SFPQ: variants seen among roughly 807,000 people sequenced by gnomAD.
The protein encoded by SFPQ is splicing factor proline and glutamine rich, also known as splicing factor, proline- and glutamine-rich.
SFPQ carries 11 observed loss-of-function variants against 72.9 expected under a neutral mutation model. The observed-to-expected ratio is 0.15, with a 90% CI of 0.09 to 0.25. SFPQ has a LOEUF of 0.25. Among genes scored for constraint, SFPQ ranks in the 10% least tolerant of loss-of-function variants. The pLI is 1.00. For missense variants in SFPQ, 847 were observed against 993.3 expected (o/e 0.85, Z 1.98); for synonymous variants, 506 against 367.3 (o/e 1.38, Z -4.32).
downstream of SFPQ, chr1:35,180,314 T>C (rs1341167082): frequency 1.8e-5 from 19 of 1,047,142 alleles, no homozygotes; most frequent in Non-Finnish European, 2.2e-5. Context: ...AGTTGTGCTT[T>C]TGAAGACTTA....
chr1:35,182,261 C>G (rs1639499875), downstream of SFPQ: 5 of 985,250 alleles, frequency 5.1e-6, no homozygotes, highest in Non-Finnish European at 6.0e-6. Context: ...CTATATAATT[C>G]AACCAAACTG....
intron 4 of SFPQ, among the ~76,000 whole-genome samples, chr1:35,190,070 A>T (rs1172487698): frequency 6.6e-6 from 1 of 152,150 alleles, no homozygotes; most frequent in East Asian, 1.9e-4. Flanking sequence ...AGATCAGCCT[A>T]GTCAACATGG....
downstream of SFPQ, chr1:35,178,223 ATAAGTAGACACC>A: frequency 9.1e-7 from 1 of 1,102,766 alleles, no homozygotes; most frequent in Non-Finnish European, 1.1e-6. Flanking sequence ...CTTACATAAA[ATAAGTAGACACC>A]TGAATTAGAA....
chr1:35,185,425 G>C (rs777159292), intron 9 of SFPQ, among the ~76,000 whole-genome samples: 2 of 152,104 alleles, frequency 1.3e-5, no homozygotes, highest in East Asian at 3.8e-4. Context: ...GACACTTCCC[G>C]AACAGTGAAA....
chr1:35,183,387 T>G lies in SFPQ; in HGVS notation c.*1069A>C, dbSNP rs2148610813. ...CGCCTGCCACCACGCCCAGCTAATT[T>G]TTTGTATTTTTAGTAGAGACGGGGT... On this transcript the variant is annotated 3_prime_UTR_variant, in exon 10 of 10. Transcript: ENST00000357214. 1 of 293,368 alleles carries G rather than the reference T, an allele frequency of 3.4e-6. No homozygotes were observed. The highest frequency in any genetic ancestry group is 5.2e-6 in the Non-Finnish European group (1 of 191,806). The allele number at this position is 293,368 out of a possible 1,614,324, so 18.2% of individuals were successfully genotyped here.
Position 35,192,624 on chromosome 1 carries a change from C to G in SFPQ, c.426G>C (p.Pro142=), listed in dbSNP as rs1438142137. ...GAGTCGGGCCTGGCCCGGACCCTGGCGGGGCCCCCGAGGTTGGTGGAGTGG... is the reference window on the plus strand; with the variant it reads ...GAGTCGGGCCTGGCCCGGACCCTGGGGGGGCCCCCGAGGTTGGTGGAGTGG... The part of the protein sequence containing the change: ...PPATPPTSGA[P]PGSGPGPTPT... The change falls in exon 1 of 10, where the codon CCG becomes CCC. Residue 142 remains proline, a synonymous_variant. Coordinates refer to ENST00000357214, the MANE Select transcript of SFPQ (RefSeq NM_005066.3). The G allele has an allele frequency of 7.3e-7, 1 of 1,369,976 alleles. No homozygotes were observed. The highest frequency in any genetic ancestry group is 3.1e-5 in the East Asian group (1 of 32,508). The allele number at this position is 1,369,976 out of a possible 1,614,324, so 84.9% of individuals were successfully genotyped here. A position where few individuals can be genotyped will look rare whatever the true frequency, so the allele number is the denominator to read the frequency against.
chr1:35,183,059 A>G lies in SFPQ; in HGVS notation c.*1397T>C, dbSNP rs916748273. On this transcript the variant is annotated 3_prime_UTR_variant, in exon 10 of 10. Transcript: ENST00000357214. ...GAAAACAAGTTAAATTTACAATAAG[A>G]ATGATTATCTGCAACCCTATTTGTT... is the stretch of plus-strand genomic sequence containing the variant. 9 of 1,032,886 alleles carry G rather than the reference A, an allele frequency of 8.7e-6. No homozygotes were observed. The highest frequency in any genetic ancestry group is 9.2e-5 in the South Asian group (2 of 21,692). 64.0% of individuals were successfully genotyped at this position (1,032,886 alleles called of 1,614,324 possible).
In SFPQ at chr1:35,190,585, C is replaced by T. The variant is rs757065018; in HGVS notation, c.1328G>A (p.Arg443His). 2 of 1,613,038 alleles carry T rather than the reference C, an allele frequency of 1.2e-6. No individual in the cohort carries two copies. Among genetic ancestry groups the T allele is most frequent in the South Asian group, 1.1e-5 (1 of 90,710 alleles). ...EGVFLLTTTP[R>H]PVIVEPLEQL... is the part of the protein sequence containing the mutation. Reference sequence around the variant, plus strand: ...TTCAAGTGGTTCCACAATGACTGGACGAGGAGTTCTAATAACAAAAATGGT... The same window carrying T: ...TTCAAGTGGTTCCACAATGACTGGATGAGGAGTTCTAATAACAAAAATGGT... The change falls in exon 4 of 10, where the codon CGT becomes CAT. Residue 443 changes from arginine to histidine, a missense_variant. Physicochemically the swap from Arg to His is conservative, Grantham distance 29. This residue lies in a region of SFPQ where 132 missense variants were observed against 255.4 expected (regional missense o/e 0.52). Coordinates refer to ENST00000357214, the MANE Select transcript of SFPQ (RefSeq NM_005066.3).
At position 35,188,460 on chromosome 1, in the gene SFPQ, G is replaced by A. The variant is rs1027888060; in HGVS notation, c.1698-370C>T. On this transcript the variant is annotated intron_variant, in intron 6 of 9. Coordinates refer to ENST00000357214, the MANE Select transcript of SFPQ (RefSeq NM_005066.3). The stretch of plus-strand genomic sequence containing the variant: ...TGCCTGTAATCTCAGTACTTTAGGA[G>A]GCCAGGAGTTTGACACCAGCCTAGG... 4.6e-5 allele frequency among the ~76,000 whole-genome samples: 7 copies of A among 152,164 alleles called. No homozygotes were observed. The East Asian group carries it at 5.8e-4, about 13-fold the overall frequency.
At chr1:35,182,854 C>T (rs1043424262), downstream of SFPQ, 84 of 1,047,164 alleles carry the variant, frequency 8.0e-5, no homozygotes, top group Admixed American at 6.1e-4. Context: ...CAACAATAAA[C>T]AATCTACTTT....
chr1:35,192,410 C>A lies in SFPQ; in HGVS notation c.640G>T (p.Gly214Cys). Residue 214 changes from glycine (G) to cysteine (C), a missense_variant, in exon 1 of 10, where the codon GGC (glycine) becomes TGC (cysteine). Coordinates refer to ENST00000357214, the MANE Select transcript of SFPQ (RefSeq NM_005066.3). ...PGGPKGGKMP[G>C]GPKPGGGPGL... ...GGGCCGCCACCTGGCTTCGGCCCGC[C>A]AGGCATTTTGCCGCCTTTGGGACCA... is the stretch of plus-strand genomic sequence containing the variant. 7.0e-7 allele frequency: 1 copy of A among 1,425,924 alleles called. No homozygotes were observed. The highest frequency in any genetic ancestry group is 9.1e-7 in the Non-Finnish European group (1 of 1,097,660). 88.3% of individuals were successfully genotyped at this position (1,425,924 alleles called of 1,614,324 possible).
rs952004668 is a variant in SFPQ, at chr1:35,192,199, G to A, written c.828+23C>T. The A allele has an allele frequency of 2.5e-5, 34 of 1,382,280 alleles. No individual in the cohort carries two copies. The African/African-American group carries it at 4.2e-4, about 17-fold the overall frequency. 85.6% of individuals were successfully genotyped at this position (1,382,280 alleles called of 1,614,324 possible). A position where few individuals can be genotyped will look rare whatever the true frequency, so the allele number is the denominator to read the frequency against. On this transcript the variant is annotated intron_variant, in intron 1 of 9. Coordinates refer to ENST00000357214, the MANE Select transcript of SFPQ (RefSeq NM_005066.3). ...CCGCCGCCATCTTAGGGGAGCCGAC[G>A]CGTCGCTCCCATAGACACTCACCTC...
In SFPQ at chr1:35,184,024, TATGCCATTCAAAGGCCTAGACACTCTC is replaced by T. The variant is rs1182314832; in HGVS notation, c.*405_*431del. The T allele has an allele frequency of 9.4e-7, 1 of 1,059,452 alleles. No individual in the cohort carries two copies. Among genetic ancestry groups the T allele is most frequent in the Non-Finnish European group, 1.1e-6 (1 of 875,794 alleles). 65.6% of individuals were successfully genotyped at this position (1,059,452 alleles called of 1,614,324 possible). A position where few individuals can be genotyped will look rare whatever the true frequency, so the allele number is the denominator to read the frequency against. Reference sequence around the variant, plus strand: ...CCAGATGCATTTCCCAGAAATGGCATATGCCATTCAAAGGCCTAGACACTCTCATGCTTTCAATGTGGAATACGTAGC... The same window carrying T: ...CCAGATGCATTTCCCAGAAATGGCATATGCTTTCAATGTGGAATACGTAGC... On this transcript the variant is annotated 3_prime_UTR_variant, in exon 10 of 10. Transcript: ENST00000357214.
Position 35,184,220 on chromosome 1 carries a change from G to A in SFPQ, c.*236C>T, listed in dbSNP as rs748011205. ...AAGGTACACTGCCATAAACTTGAGGGACATTATACAGTAAAAAAGAAAAAA... is the reference window on the plus strand; with the variant it reads ...AAGGTACACTGCCATAAACTTGAGGAACATTATACAGTAAAAAAGAAAAAA... On this transcript the variant is annotated 3_prime_UTR_variant, in exon 10 of 10. Coordinates refer to ENST00000357214, the MANE Select transcript of SFPQ (RefSeq NM_005066.3). 49 of 1,261,046 alleles carry A rather than the reference G, an allele frequency of 3.9e-5. No homozygotes were observed. Among genetic ancestry groups the A allele is most frequent in the African/African-American group, 1.1e-4 (7 of 63,168 alleles). The allele number at this position is 1,261,046 out of a possible 1,614,324, so 78.1% of individuals were successfully genotyped here.
At position 35,187,340 on chromosome 1, in the gene SFPQ, A is replaced by G. The variant is rs6702141; in HGVS notation, c.1816-89T>C. 21,576 of 1,184,762 alleles carry G rather than the reference A, an allele frequency of 0.018. 1,839 individuals are homozygous for G. The African/African-American group carries it at 0.23, about 13-fold the overall frequency. The allele number at this position is 1,184,762 out of a possible 1,614,324, so 73.4% of individuals were successfully genotyped here. A position where few individuals can be genotyped will look rare whatever the true frequency, so the allele number is the denominator to read the frequency against. On this transcript the variant is annotated intron_variant, in intron 7 of 9. Coordinates refer to ENST00000357214, the MANE Select transcript of SFPQ (RefSeq NM_005066.3). The stretch of plus-strand genomic sequence containing the variant: ...TGAGAAATTTTCAAGAGTTAAATAA[A>G]AAACATGGTAAAGTTCAAAAGTTCA...
Position 35,190,883 on chromosome 1 carries a change from T to C in SFPQ, c.1130A>G (p.Asn377Ser), listed in dbSNP as rs1324288871. 6.2e-6 allele frequency: 10 copies of C among 1,614,072 alleles called. No individual in the cohort carries two copies. The highest frequency in any genetic ancestry group is 5.0e-5 in the Admixed American group (3 of 60,004). Reference protein sequence around the residue: ...ATHAAALSVRNLSPYVSNELL... With the variant: ...ATHAAALSVRSLSPYVSNELL... ...TTCATTGGAAACATAAGGTGAAAGA[T>C]TACGAACAGAAAGGGCAGCAGCATG... The change falls in exon 3 of 10, where the codon AAT becomes AGT. Residue 377 changes from asparagine (N) to serine (S), a missense_variant. Transcript: ENST00000357214.
chr1:35,183,788 T>C lies in SFPQ; in HGVS notation c.*668A>G. Reference sequence around the variant, plus strand: ...AAGATCCATTTAATCAAACCCACTTTCACCCCCTACCAATTGTCTTACACC... The same window carrying C: ...AAGATCCATTTAATCAAACCCACTTCCACCCCCTACCAATTGTCTTACACC... On this transcript the variant is annotated 3_prime_UTR_variant, in exon 10 of 10. Transcript: ENST00000357214. The C allele has an allele frequency of 9.5e-7, 1 of 1,054,682 alleles. No individual in the cohort carries two copies. The highest frequency in any genetic ancestry group is 1.1e-6 in the Non-Finnish European group (1 of 872,226). The allele number at this position is 1,054,682 out of a possible 1,614,324, so 65.3% of individuals were successfully genotyped here.
intron 9 of SFPQ, among the ~76,000 whole-genome samples, chr1:35,185,292 C>T (rs1276036614): frequency 6.6e-6 from 1 of 152,206 alleles, no homozygotes; most frequent in Non-Finnish European, 1.5e-5. Flanking sequence ...GAGACAATTA[C>T]GTTCTCAGTA....
At chr1:35,192,058 CCCCCGCCGACCGACGG>C (rs1485809832) in intron 1 of SFPQ, among the ~76,000 whole-genome samples, 148 bp downstream of exon 1, 4 of 151,956 alleles carry the variant, frequency 2.6e-5, no homozygotes, top group East Asian at 2.0e-4. Context: ...GGCGGCCAAT[CCCCCGCCGACCGACGG>C]CCCCGCAGGC....
Sources: allele counts gnomAD v4.1 joint callset (sites outside exome capture counted in the v4.1 genomes callset), GRCh38; gene constraint gnomAD v4.1.1; regional missense constraint gnomAD v4.1.1; transcripts MANE v1.5; gene names NCBI Gene and HGNC (gene_info 2026-07-23, HGNC 2026-07-21).